Variants in TMEM132D observed in about 807,000 individuals in gnomAD.
TMEM132D encodes the protein mature OL transmembrane protein.
Under a neutral mutation model 62.3 loss-of-function variants are expected in TMEM132D, and 21 were observed. That is an observed-to-expected ratio of 0.34 (90% CI 0.24 to 0.49). TMEM132D has a LOEUF of 0.49. Among genes scored for constraint, TMEM132D ranks in the 20% least tolerant of loss-of-function variants. The probability of loss-of-function intolerance (pLI) is 0.99; values close to 1 mark genes in which losing one functional copy is unlikely to be tolerated. For synonymous variants in TMEM132D, 621 were observed against 575.6 expected (o/e 1.08, Z -1.13); for missense variants, 1,346 against 1,402.8 (o/e 0.96, Z 0.65).
chr12:129,224,422 T>C (rs2128283), intron 4 of TMEM132D, among the ~76,000 whole-genome samples: 48,133 of 152,096 alleles, frequency 0.32, 7,975 homozygotes, highest in Middle Eastern at 0.43. Flanking sequence ...ATTTTCAAAA[T>C]GCAGAAACGA....
chr12:129,836,254 G>A (rs1872997885), intron 1 of TMEM132D, among the ~76,000 whole-genome samples: 1 of 152,136 alleles, frequency 6.6e-6, no homozygotes, highest in African/African-American at 2.4e-5. Context: ...AGCTCTGTCT[G>A]CTCCAACTAC....
intron 2 of TMEM132D, among the ~76,000 whole-genome samples, chr12:129,584,001 A>C (rs1460378707): frequency 6.6e-6 from 1 of 152,206 alleles, no homozygotes; most frequent in East Asian, 1.9e-4. Flanking sequence ...AATAGGAAAC[A>C]GTTAATTTTT....
In TMEM132D at chr12:129,700,055, C is replaced by G. The variant is rs1336841692; in HGVS notation, c.723G>C (p.Arg241Ser). ...HPGGERGDCV[R>S]EDARRSNGIR... ...TCCCATTGCTTCTCCTCGCGTCTTCCCTGACGCAGTCCCCTCTCTCACCCC... is the reference window on the plus strand; with the variant it reads ...TCCCATTGCTTCTCCTCGCGTCTTCGCTGACGCAGTCCCCTCTCTCACCCC... Residue 241 changes from arginine (R) to serine (S), a missense_variant, in exon 2 of 9, where the codon AGG (arginine) becomes AGC (serine). By Grantham distance (110) the Arg-to-Ser change is moderately radical (BLOSUM62 -1). Transcript: ENST00000422113. 6.2e-7 allele frequency: 1 copy of G among 1,613,846 alleles called. No individual in the cohort carries two copies. The highest frequency in any genetic ancestry group is 1.6e-4 in the Middle Eastern group (1 of 6,062).
intron 1 of TMEM132D, among the ~76,000 whole-genome samples, chr12:129,806,608 G>A (rs2137311894): frequency 6.7e-6 from 1 of 150,312 alleles, no homozygotes; most frequent in Admixed American, 6.6e-5. Flanking sequence ...ATGAGTTAGT[G>A]GGTGCAGCAC....
At chr12:129,765,331 C>T (rs1263311517) in intron 1 of TMEM132D, among the ~76,000 whole-genome samples, 1 of 152,050 alleles carries the variant, frequency 6.6e-6, no homozygotes, top group Non-Finnish European at 1.5e-5. Context: ...CTTTGAGAGG[C>T]CAAGGGAGGC....
At chr12:129,805,630 G>A (rs1428744584) in intron 1 of TMEM132D, among the ~76,000 whole-genome samples, 1 of 151,854 alleles carries the variant, frequency 6.6e-6, no homozygotes, top group Non-Finnish European at 1.5e-5. Flanking sequence ...ACATAGGCAT[G>A]GGCAAGGACT....
At chr12:129,114,820 G>A (rs1875843980) in intron 5 of TMEM132D, among the ~76,000 whole-genome samples, 1 of 152,214 alleles carries the variant, frequency 6.6e-6, no homozygotes, top group Non-Finnish European at 1.5e-5. Flanking sequence ...TGGAATGTTT[G>A]TGAGATTGGT....
chr12:129,734,322 C>T (rs894886286), intron 1 of TMEM132D, among the ~76,000 whole-genome samples: 15 of 152,164 alleles, frequency 9.9e-5, no homozygotes, highest in African/African-American at 3.4e-4. Context: ...TGTTCCAGCT[C>T]CTCAAAGTGA....
chr12:129,336,865 G>A (rs1168061031), intron 4 of TMEM132D, among the ~76,000 whole-genome samples: 1 of 152,184 alleles, frequency 6.6e-6, no homozygotes, highest in Admixed American at 6.5e-5. Context: ...CAGAGGTGTG[G>A]AAAGGAGCAA....
chr12:129,747,240 T>TG (rs1480994559), intron 1 of TMEM132D, among the ~76,000 whole-genome samples: 1 of 150,944 alleles, frequency 6.6e-6, no homozygotes, highest in East Asian at 2.0e-4. Context: ...CTCTTCACAG[T>TG]GACCCGGGCG....
At chr12:129,176,537 C>T (rs1394290287) in intron 5 of TMEM132D, among the ~76,000 whole-genome samples, 2 of 152,226 alleles carry the variant, frequency 1.3e-5, no homozygotes, top group Non-Finnish European at 2.9e-5. Context: ...ATGGTCTTTC[C>T]TTCTCTGATC....
At chr12:129,801,568 T>A (rs1427778643) in intron 1 of TMEM132D, among the ~76,000 whole-genome samples, 2 of 149,590 alleles carry the variant, frequency 1.3e-5, no homozygotes, top group South Asian at 4.3e-4. Flanking sequence ...CAAAAGTAGA[T>A]AAAACCACAA....
At chr12:129,260,137 C>G (rs549607090) in intron 4 of TMEM132D, among the ~76,000 whole-genome samples, 2 of 152,178 alleles carry the variant, frequency 1.3e-5, no homozygotes, top group South Asian at 2.1e-4. Flanking sequence ...TTGGGACACT[C>G]TAAATTTGGG....
intron 3 of TMEM132D, among the ~76,000 whole-genome samples, chr12:129,496,381 C>T (rs372155298): frequency 2.2e-4 from 34 of 152,160 alleles, no homozygotes; most frequent in East Asian, 1.5e-3. Flanking sequence ...TATCTATCAC[C>T]GGCTGTGACA....
chr12:129,819,230 C>CCG (rs1565997073), intron 1 of TMEM132D, among the ~76,000 whole-genome samples: 3 of 151,924 alleles, frequency 2.0e-5, no homozygotes, highest in Non-Finnish European at 4.4e-5. Context: ...TCTACCTACC[C>CCG]CACAGTGCCA....
At position 129,594,743 on chromosome 12, in the gene TMEM132D, G is replaced by A. The variant is rs191975424; in HGVS notation, c.969-63538C>T. ...ACATTTGCTATTCCTGTAAGTTCCCGGTAGCAGGAGTGTTGCCTCCCTATC... is the reference window on the plus strand; with the variant it reads ...ACATTTGCTATTCCTGTAAGTTCCCAGTAGCAGGAGTGTTGCCTCCCTATC... On this transcript the variant is annotated intron_variant, in intron 2 of 8. Transcript: ENST00000422113. Among the ~76,000 whole-genome samples the A allele has an allele frequency of 4.3e-3, 651 of 152,174 alleles. 2 individuals carry two copies. The highest frequency in any genetic ancestry group is 6.1e-3 in the Non-Finnish European group (416 of 68,004).
chr12:129,670,277 C>T (rs1880472757), intron 2 of TMEM132D, among the ~76,000 whole-genome samples: 1 of 152,202 alleles, frequency 6.6e-6, no homozygotes, highest in Non-Finnish European at 1.5e-5. Context: ...AGACCTCCTT[C>T]TTGCCTGAGG....
chr12:129,313,845 A>G (rs1868394779), intron 4 of TMEM132D, among the ~76,000 whole-genome samples: 2 of 152,076 alleles, frequency 1.3e-5, no homozygotes, highest in South Asian at 2.1e-4. Context: ...GAAGTGTTCT[A>G]TGTTCACTGC....
chr12:129,179,110 G>A (rs1272766714), intron 5 of TMEM132D, among the ~76,000 whole-genome samples: 1 of 152,164 alleles, frequency 6.6e-6, no homozygotes, highest in African/African-American at 2.4e-5. Context: ...TGAGCCCAGA[G>A]TTCAGAGTAG....
Sources: allele counts gnomAD v4.1 joint callset (sites outside exome capture counted in the v4.1 genomes callset), GRCh38; gene constraint gnomAD v4.1.1; transcripts MANE v1.5; gene names NCBI Gene and HGNC (gene_info 2026-07-23, HGNC 2026-07-21).